ABCF1: variants seen among roughly 807,000 people sequenced by gnomAD.
ABCF1 encodes ATP binding cassette subfamily F member 1, also known as ATP-binding cassette sub-family F member 1.
A neutral mutation model predicts 126.3 loss-of-function variants in ABCF1; 73 were observed. That is an observed-to-expected ratio of 0.58 (90% CI 0.48 to 0.70). The LOEUF is 0.70. Ranked by LOEUF, ABCF1 falls within the 30% of genes least tolerant of loss-of-function variation. The pLI, the probability that ABCF1 is intolerant of heterozygous loss-of-function variation, is 0.00. For synonymous variants in ABCF1, 345 were observed against 396.4 expected (o/e 0.87, Z 1.54); for missense variants, 786 against 1,057.5 (o/e 0.74, Z 3.56).
chr6:30,576,654 A>G (rs1163930472), intron 1 of ABCF1, among the ~76,000 whole-genome samples: 2 of 151,732 alleles, frequency 1.3e-5, no homozygotes, highest in Admixed American at 1.3e-4. Flanking sequence ...GCTTGTCACC[A>G]CCACCCAGAC....
At position 30,577,412 on chromosome 6, in the gene ABCF1, A is replaced by G. The variant is rs1415230717; in HGVS notation, c.77A>G (p.Lys26Arg). 3.7e-6 allele frequency: 6 copies of G among 1,614,016 alleles called. No individual in the cohort carries two copies. The South Asian group carries it at 6.6e-5, about 18-fold the overall frequency. The change falls in exon 2 of 25, where the codon AAA (lysine) becomes AGA (arginine). Residue 26 changes from lysine (K) to arginine (R), a missense_variant. This residue lies in a region of ABCF1 where 322 missense variants were observed against 322.9 expected (regional missense o/e 1.00). Coordinates refer to ENST00000326195, the MANE Select transcript of ABCF1 (RefSeq NM_001025091.2). ...GDGESTSPSD[K>R]VVKKGKKDKK... ...CGATGTCCGCTTAACTTTCTAGACA[A>G]AGTGGTGAAGAAAGGGAAGAAGGAC... is the stretch of plus-strand genomic sequence containing the variant.
Position 30,578,354 on chromosome 6 carries a change from C to A in ABCF1, c.350C>A (p.Ala117Asp), listed in dbSNP as rs139543114. Reference protein sequence around the residue: ...PTSDEEDEVPAPKPRGGKKTK... With the variant: ...PTSDEEDEVPDPKPRGGKKTK... Reference sequence around the variant, plus strand: ...TCTCCCCCTGTCATTTCAGTACCCGCCCCAAAACCCCGCGGAGGGAAGAAA... The same window carrying A: ...TCTCCCCCTGTCATTTCAGTACCCGACCCAAAACCCCGCGGAGGGAAGAAA... The change falls in exon 5 of 25, where the codon GCC becomes GAC. Residue 117 changes from alanine (A) to aspartate (D), a missense_variant. Around this residue, in one of 4 missense-constraint regions of ABCF1, gnomAD observed 322 missense variants for 322.9 expected, o/e 1.00. Transcript: ENST00000326195. 1.9e-6 allele frequency: 3 copies of A among 1,613,964 alleles called. No homozygotes were observed. Among genetic ancestry groups the A allele is most frequent in the African/African-American group, 2.7e-5 (2 of 74,880 alleles).
At chr6:30,578,054 A>C (rs1335446919) in intron 3 of ABCF1, 22 bp from the exon 4 acceptor site, 2 of 1,613,774 alleles carry the variant, frequency 1.2e-6, no homozygotes, top group Admixed American at 3.3e-5. Context: ...TCATTTTCTC[A>C]CTGTTCTTTT....
Position 30,585,566 on chromosome 6 carries a change from A to G in ABCF1, c.1484A>G (p.Gln495Arg). ...NAVIWLNNYL[Q>R]GWRKTLLIVS... ...TGTTCTCTGAAACCCAGCTACCTCC[A>G]GGGCTGGCGGAAGACCTTGCTGATC... The change falls in exon 16 of 25, where the codon CAG becomes CGG. Residue 495 changes from glutamine to arginine, a missense_variant. Physicochemically the swap from Gln to Arg is conservative, Grantham distance 43. Around this residue, in one of 4 missense-constraint regions of ABCF1, gnomAD observed 13 missense variants for 55.8 expected, o/e 0.23. Transcript: ENST00000326195. 1.2e-6 allele frequency: 2 copies of G among 1,612,840 alleles called. No individual in the cohort carries two copies. Among genetic ancestry groups the G allele is most frequent in the South Asian group, 1.1e-5 (1 of 91,062 alleles).
chr6:30,571,653 C>T (rs1481299830), intron 1 of ABCF1, 93 bp downstream of exon 1: 3 of 1,371,836 alleles, frequency 2.2e-6, no homozygotes, highest in African/African-American at 1.4e-5. Flanking sequence ...ACGAGACTGA[C>T]CGGGCCCCTG....
Position 30,586,017 on chromosome 6 carries a change from TG to T in ABCF1, c.1713+31del. The T allele has an allele frequency of 6.3e-7, 1 of 1,597,640 alleles. No homozygotes were observed. Among genetic ancestry groups the T allele is most frequent in the Non-Finnish European group, 8.5e-7 (1 of 1,171,528 alleles). On this transcript the variant is annotated intron_variant, in intron 17 of 24. Coordinates refer to ENST00000326195, the MANE Select transcript of ABCF1 (RefSeq NM_001025091.2). This position sits in a 1 kb window ranked among gnomAD's most constrained non-coding sequence, Gnocchi z 4.9. ...GTGAGCACCTGAGGGACTTCTGGGCTGGGGGCCACTGTTCTCTCCTGGCAGT... is the reference window on the plus strand; with the variant it reads ...GTGAGCACCTGAGGGACTTCTGGGCTGGGGCCACTGTTCTCTCCTGGCAGT...
At chr6:30,581,958 A>G (rs532833191) in intron 8 of ABCF1, among the ~76,000 whole-genome samples, 1 of 152,092 alleles carries the variant, frequency 6.6e-6, no homozygotes, top group Non-Finnish European at 1.5e-5. Flanking sequence ...GAGGATCCCA[A>G]GATATTTTAG....
intron 7 of ABCF1, 61 bp downstream of exon 7, chr6:30,580,066 G>A: frequency 2.6e-6 from 4 of 1,557,660 alleles, no homozygotes; most frequent in South Asian, 1.1e-5. Flanking sequence ...TTTCATCAGG[G>A]CTGGGCGCGG....
At chr6:30,572,854 C>G (rs958551694) in intron 1 of ABCF1, among the ~76,000 whole-genome samples, 1 of 152,126 alleles carries the variant, frequency 6.6e-6, no homozygotes, top group Non-Finnish European at 1.5e-5. Flanking sequence ...AAGCGCATTC[C>G]AAGCCAAGGA....
intron 6 of ABCF1, among the ~76,000 whole-genome samples, chr6:30,579,455 A>ATTTTTTTTTTTTTTTTTTT (rs9281009): frequency 8.9e-6 from 1 of 112,144 alleles, no homozygotes; most frequent in African/African-American, 3.5e-5. Context: ...AGTTGGAACT[A>ATTTTTTTTTTTTTTTTTTT]TTTTTTTTTT....
chr6:30,589,322 T>C (rs372608269), intron 20 of ABCF1: 3 of 298,082 alleles, frequency 1.0e-5, no homozygotes, highest in East Asian at 8.5e-5. Context: ...CCTTTTCTTA[T>C]GCATACTTGT....
chr6:30,577,550 G>C (rs983739481), intron 2 of ABCF1, 95 bp downstream of exon 2: 18 of 1,439,162 alleles, frequency 1.3e-5, no homozygotes, highest in Non-Finnish European at 1.5e-5. Flanking sequence ...CAAGGGAGGA[G>C]AAAAGATCTT....
rs1802159323 is a variant in ABCF1 at position 30,586,778 on chromosome 6, T to A, written c.2031+67T>A. 1 of 1,549,742 alleles carries A rather than the reference T, an allele frequency of 6.5e-7. No individual in the cohort carries two copies. The highest frequency in any genetic ancestry group is 8.9e-7 in the Non-Finnish European group (1 of 1,125,864). On this transcript the variant is annotated intron_variant, in intron 20 of 24. Coordinates refer to ENST00000326195, the MANE Select transcript of ABCF1 (RefSeq NM_001025091.2). The surrounding 1 kb of genome is among the most constrained non-coding windows in gnomAD (Gnocchi z 4.9). ...AGACACAGCTGCTTTTGCCAGAAGC[T>A]GGAATCAGGGAGCCTCTCGAGAATG...
Position 30,585,933 on chromosome 6 carries a change from A to G in ABCF1, c.1655A>G (p.Glu552Gly), listed in dbSNP as rs546592611. ...CAGAAAGAACTGCTGAAACAGTATG[A>G]GAAGCAAGAGAAAAAGCTGAAGGAG... ...QKQKELLKQY[E>G]KQEKKLKELK... Residue 552 changes from glutamate to glycine, a missense_variant, in exon 17 of 25, where the codon GAG becomes GGG. Glu to Gly is a moderately conservative substitution (Grantham distance 98, BLOSUM62 -2). Around this residue, in one of 4 missense-constraint regions of ABCF1, gnomAD observed 288 missense variants for 423.5 expected, o/e 0.68. Transcript: ENST00000326195. 3 of 1,611,020 alleles carry G rather than the reference A, an allele frequency of 1.9e-6. No homozygotes were observed. Among genetic ancestry groups the G allele is most frequent in the Non-Finnish European group, 2.5e-6 (3 of 1,178,814 alleles).
chr6:30,583,267 T>C lies in ABCF1; in HGVS notation c.915+79T>C. On this transcript the variant is annotated intron_variant, in intron 10 of 24. Coordinates refer to ENST00000326195, the MANE Select transcript of ABCF1 (RefSeq NM_001025091.2). This position sits in a 1 kb window ranked among gnomAD's most constrained non-coding sequence, Gnocchi z 4.1. ...TCTCATCTTCCCTGAGTGGCTGTGG[T>C]GTGTGAATGGGTTAGTTCAGTGGGA... The C allele has an allele frequency of 1.3e-6, 2 of 1,529,344 alleles. No individual in the cohort carries two copies. The highest frequency in any genetic ancestry group is 8.9e-7 in the Non-Finnish European group (1 of 1,127,486). The allele number at this position is 1,529,344 out of a possible 1,614,324, so 94.7% of individuals were successfully genotyped here.
chr6:30,578,252 A>G (rs1261024715), intron 4 of ABCF1, 50 bp downstream of exon 4: 1 of 1,613,458 alleles, frequency 6.2e-7, no homozygotes, highest in African/African-American at 1.3e-5. Flanking sequence ...AGTCATGGAG[A>G]GTGATACCTC....
chr6:30,591,384 G>C lies in ABCF1; in HGVS notation c.*683G>C, dbSNP rs904025482. The C allele has an allele frequency of 6.6e-6, 1 of 152,100 alleles. No individual in the cohort carries two copies. Among genetic ancestry groups the C allele is most frequent in the African/African-American group, 2.4e-5 (1 of 41,388 alleles). 9.4% of individuals were successfully genotyped at this position (152,100 alleles called of 1,614,324 possible). A position where few individuals can be genotyped will look rare whatever the true frequency, so the allele number is the denominator to read the frequency against. On this transcript the variant is annotated 3_prime_UTR_variant, in exon 25 of 25. Coordinates refer to ENST00000326195, the MANE Select transcript of ABCF1 (RefSeq NM_001025091.2). Reference sequence around the variant, plus strand: ...TTGATTTGCTTTATTCAGTTTTCTAGCAGCTTTTAATAGTCCCCTCTTCCC... The same window carrying C: ...TTGATTTGCTTTATTCAGTTTTCTACCAGCTTTTAATAGTCCCCTCTTCCC...
At chr6:30,578,680 A>G in intron 6 of ABCF1, 103 bp downstream of exon 6, 1 of 1,027,766 alleles carries the variant, frequency 9.7e-7, no homozygotes, top group Non-Finnish European at 1.5e-6. Flanking sequence ...GGTCTGTCTT[A>G]CTTATACTGT....
Position 30,586,721 on chromosome 6 carries a change from G to A in ABCF1, c.2031+10G>A. 2 of 1,613,702 alleles carry A rather than the reference G, an allele frequency of 1.2e-6. No individual in the cohort carries two copies. The highest frequency in any genetic ancestry group is 8.5e-7 in the Non-Finnish European group (1 of 1,179,914). On this transcript the variant is annotated intron_variant, in intron 20 of 24. Transcript: ENST00000326195. The surrounding 1 kb of genome is among the most constrained non-coding windows in gnomAD (Gnocchi z 4.9). ...TGGCAAGCTGACACCGGTGAGTCCT[G>A]GAGCCAAGGAGGGAGAGCATGAGAA...
Sources: gnomAD v4.1 joint callset for allele counts (sites outside exome capture counted in the v4.1 genomes callset) on GRCh38, gnomAD v4.1.1 for gene constraint, gnomAD v4.1.1 regional missense constraint, Gnocchi (gnomAD v3.1) non-coding constraint, MANE v1.5 for transcripts, NCBI Gene and HGNC (gene_info 2026-07-23, HGNC 2026-07-21) for gene names.